The following PER2 variants were observed in gnomAD, a reference collection of about 807,000 sequenced individuals.
PER2 encodes period circadian regulator 2, also known as period circadian protein homolog 2.
A neutral mutation model predicts 121.0 loss-of-function variants in PER2; 66 were observed. The ratio of observed to expected loss-of-function variants is 0.55; its 90% CI spans 0.45 to 0.67. The LOEUF is 0.67. PER2 is among the 30% of genes least tolerant of loss of function. PER2 has a pLI of 0.00. For missense variants in PER2, 1,521 were observed against 1,635.0 expected (o/e 0.93, Z 1.20); for synonymous variants, 684 against 659.9 (o/e 1.04, Z -0.56).
chr2:238,275,133 C>T (rs35713061), intron 4 of PER2, among the ~76,000 whole-genome samples: 14,004 of 152,208 alleles, frequency 0.092, 704 homozygotes, highest in South Asian at 0.13. Context: ...CTTTAAGCCT[C>T]TCAGATTTTT....
At chr2:238,257,161 A>C in intron 16 of PER2, 75 bp from the exon 17 acceptor site, 1 of 1,408,184 alleles carries the variant, frequency 7.1e-7, no homozygotes, top group South Asian at 1.2e-5. Context: ...CCGACACCCA[A>C]GTGCCCATAC....
chr2:238,281,917 G>C (rs1696642592), intron 1 of PER2, among the ~76,000 whole-genome samples: 1 of 152,186 alleles, frequency 6.6e-6, no homozygotes, highest in Non-Finnish European at 1.5e-5. Flanking sequence ...ATAAAAACCT[G>C]GGAAGAACCA....
rs1040514409 is a variant in PER2, at chr2:238,285,905, C to T, written c.-20+2444G>A. Among the ~76,000 whole-genome samples, 16 of 152,156 alleles carry T rather than the reference C, an allele frequency of 1.1e-4. No homozygotes were observed. The East Asian group carries it at 3.1e-3, about 29-fold the overall frequency. ...TTCTACTTCCTGGTAGGAGCCAACT[C>T]CCTGAGGCCAGCCTGCTGTAATCCT... is the stretch of plus-strand genomic sequence containing the variant. On this transcript the variant is annotated intron_variant, in intron 1 of 22. Transcript: ENST00000254657.
Position 238,271,526 on chromosome 2 carries a change from A to C in PER2, c.571-13T>G, listed in dbSNP as rs1412089056. On this transcript the variant is annotated splice_polypyrimidine_tract_variant and intron_variant, in intron 5 of 22. Transcript: ENST00000254657. ...CCGCAAACATATCCTGAAAAGGAAG[A>C]GTAGGGCTCTGATGACAAGGTCAGA... 1 of 1,601,416 alleles carries C rather than the reference A, an allele frequency of 6.2e-7. No homozygotes were observed. The highest frequency in any genetic ancestry group is 8.5e-7 in the Non-Finnish European group (1 of 1,170,522).
At chr2:238,273,228 C>T (rs1332343020) in intron 4 of PER2, 37 bp from the exon 5 acceptor site, 1 of 1,608,048 alleles carries the variant, frequency 6.2e-7, no homozygotes, top group Non-Finnish European at 8.5e-7. Flanking sequence ...TGGGCAGAAC[C>T]CAGCGCTTGG....
chr2:238,248,958 T>C (rs1257813874), intron 22 of PER2, 104 bp downstream of exon 22: 1 of 1,316,168 alleles, frequency 7.6e-7, no homozygotes, highest in Non-Finnish European at 1.1e-6. Context: ...CCCGGCCTAA[T>C]TTTAGAAGTT....
rs1446379831 is a variant in PER2, at chr2:238,268,111, A to G, written c.912T>C (p.Ala304=). The change falls in exon 8 of 23, where the codon GCT becomes GCC. Residue 304 remains alanine, a synonymous_variant. Coordinates refer to ENST00000254657, the MANE Select transcript of PER2 (RefSeq NM_022817.3). This position sits in a 1 kb window ranked among gnomAD's most constrained non-coding sequence, Gnocchi z 4.0. ...YLVKVRDQQG[A]ESQLCCLLLA... is the part of the protein sequence containing the mutation. ...GCAGAAGGCAGCAAAGCTGACTCTC[A>G]GCACCTTGTTGGTCCCGCACCTTGA... is the stretch of plus-strand genomic sequence containing the variant. The G allele has an allele frequency of 6.2e-7, 1 of 1,614,054 alleles. No individual in the cohort carries two copies. Among genetic ancestry groups the G allele is most frequent in the African/African-American group, 1.3e-5 (1 of 74,932 alleles).
intron 1 of PER2, among the ~76,000 whole-genome samples, chr2:238,287,510 G>C (rs1400224691): frequency 6.6e-6 from 1 of 152,188 alleles, no homozygotes; most frequent in African/African-American, 2.4e-5. Context: ...CCACCGTGTG[G>C]GGTTCTTAAC....
chr2:238,278,400 C>T (rs1257943165), intron 1 of PER2, among the ~76,000 whole-genome samples: 1 of 152,180 alleles, frequency 6.6e-6, no homozygotes, highest in South Asian at 2.1e-4. Context: ...ATCACACGCA[C>T]GTTAGTTCAT....
intron 4 of PER2, among the ~76,000 whole-genome samples, 195 bp downstream of exon 4, chr2:238,275,548 G>A (rs1231036553): frequency 2.0e-5 from 3 of 152,312 alleles, no homozygotes; most frequent in African/African-American, 4.8e-5. Flanking sequence ...AATTAGCTGG[G>A]CGTGGTGGTA....
rs1468212537 is a variant in PER2 at position 238,268,907 on chromosome 2, T to C, written c.824+16A>G. On this transcript the variant is annotated intron_variant, in intron 7 of 22. Transcript: ENST00000254657. This position sits in a 1 kb window ranked among gnomAD's most constrained non-coding sequence, Gnocchi z 4.0. ...ATACGGTTTTCTAATTTAAGAAAAC[T>C]GGGAACCAGGCTTACCTGACACGGC... 3.1e-6 allele frequency: 5 copies of C among 1,594,022 alleles called. No homozygotes were observed. The highest frequency in any genetic ancestry group is 3.4e-6 in the Non-Finnish European group (4 of 1,161,716).
chr2:238,255,651 A>G lies in PER2; in HGVS notation c.2320+6T>C. 1.2e-6 allele frequency: 2 copies of G among 1,614,204 alleles called. No homozygotes were observed. The highest frequency in any genetic ancestry group is 1.7e-6 in the Non-Finnish European group (2 of 1,179,974). On this transcript the variant is annotated splice_donor_region_variant and intron_variant, in intron 18 of 22. Transcript: ENST00000254657. ...AAAACGCACTTTTAATTCGGGTATC[A>G]CTTACTTCGTTCACTTGGCTGCCCC...
rs1270304444 is a variant in PER2, at chr2:238,246,155, T to C, written c.*220A>G. ...TCCCCATCCCACAAAACTCCACATA[T>C]ATATTTTATATATAAAAACATATTT... is the stretch of plus-strand genomic sequence containing the variant. On this transcript the variant is annotated 3_prime_UTR_variant, in exon 23 of 23. Coordinates refer to ENST00000254657, the MANE Select transcript of PER2 (RefSeq NM_022817.3). 1.3e-5 allele frequency: 4 copies of C among 298,062 alleles called. No homozygotes were observed. Among genetic ancestry groups the C allele is most frequent in the Non-Finnish European group, 2.4e-5 (4 of 163,796 alleles). The allele number at this position is 298,062 out of a possible 1,614,324, so 18.5% of individuals were successfully genotyped here.
At chr2:238,250,974 G>A in intron 20 of PER2, among the ~76,000 whole-genome samples, 1 of 152,188 alleles carries the variant, frequency 6.6e-6, no homozygotes, top group Non-Finnish European at 1.5e-5. Flanking sequence ...GTGAAGCCCT[G>A]AGCAGCTCAG....
chr2:238,259,176 A>G (rs1215836729), intron 14 of PER2, among the ~76,000 whole-genome samples: 3 of 152,248 alleles, frequency 2.0e-5, no homozygotes, highest in East Asian at 3.8e-4. Flanking sequence ...CACCCAGCAC[A>G]GAGTCCAGCA....
At chr2:238,259,943 G>T in intron 14 of PER2, 26 bp downstream of exon 14, 1 of 1,071,238 alleles carries the variant, frequency 9.3e-7, no homozygotes. Flanking sequence ...TTTCAGTAAG[G>T]AAATGTTGAA....
chr2:238,270,678 G>T (rs1047951870), intron 6 of PER2, among the ~76,000 whole-genome samples: 6 of 152,232 alleles, frequency 3.9e-5, no homozygotes, highest in Non-Finnish European at 7.3e-5. Context: ...TGGCTCCAGG[G>T]ACTAGACCAG....
At position 238,277,860 on chromosome 2, in the gene PER2, A is replaced by C; in HGVS notation, c.77T>G (p.Val26Gly). ...CATGTCCACATCTTCCTGCAGTGGG[A>C]CCTGGCTGGGCTGGGGCTCCACGGG... ...KEPVEPQPSQ[V>G]PLQEDVDMSS... is the part of the protein sequence containing the mutation. The change falls in exon 2 of 23, where the codon GTC (valine) becomes GGC (glycine). Residue 26 changes from valine (V) to glycine (G), a missense_variant. Transcript: ENST00000254657. 1 of 1,614,114 alleles carries C rather than the reference A, an allele frequency of 6.2e-7. No individual in the cohort carries two copies. Among genetic ancestry groups the C allele is most frequent in the South Asian group, 1.1e-5 (1 of 91,084 alleles).
At chr2:238,267,979 T>A in intron 8 of PER2, 77 bp downstream of exon 8, 1 of 1,519,042 alleles carries the variant, frequency 6.6e-7, no homozygotes, top group South Asian at 1.1e-5. Context: ...ATCGTACAGA[T>A]GTTATGTGTG....
Sources: allele counts gnomAD v4.1 joint callset (sites outside exome capture counted in the v4.1 genomes callset), GRCh38; gene constraint gnomAD v4.1.1; non-coding constraint Gnocchi (gnomAD v3.1); transcripts MANE v1.5; gene names NCBI Gene and HGNC (gene_info 2026-07-23, HGNC 2026-07-21).